Variants in DCAF4 observed in about 807,000 individuals in gnomAD.
DCAF4 encodes the protein DDB1- and CUL4-associated factor 4.
In DCAF4, 37 loss-of-function variants were observed where a neutral mutation model predicts 60.9. The ratio of observed to expected loss-of-function variants is 0.61; its 90% CI spans 0.47 to 0.80. The LOEUF is 0.80. Among genes scored for constraint, DCAF4 ranks in the 30% least tolerant of loss-of-function variants. The pLI is 0.00. For synonymous variants in DCAF4, 243 were observed against 254.8 expected (o/e 0.95, Z 0.44); for missense variants, 577 against 650.0 (o/e 0.89, Z 1.22).
At chr14:72,952,951 C>G (rs561950001) in intron 9 of DCAF4, among the ~76,000 whole-genome samples, 37 of 146,620 alleles carry the variant, frequency 2.5e-4, no homozygotes, top group African/African-American at 8.8e-4. Context: ...CCTCGGCCTC[C>G]CAAAGTGCTG....
chr14:72,933,067 G>C (rs372535405), intron 1 of DCAF4, among the ~76,000 whole-genome samples: 8 of 152,166 alleles, frequency 5.3e-5, no homozygotes, highest in Admixed American at 3.3e-4. Flanking sequence ...AGAATGTGTG[G>C]AAGCTGCCCT....
intron 1 of DCAF4, chr14:72,929,906 C>G: frequency 7.1e-7 from 1 of 1,414,138 alleles, no homozygotes; most frequent in Non-Finnish European, 9.7e-7. Flanking sequence ...TTGAGGCCCA[C>G]GGCCATAAGG....
At position 72,940,362 on chromosome 14, in the gene DCAF4, A is replaced by G. The variant is rs745672293; in HGVS notation, c.336A>G (p.Glu112=). 1.9e-6 allele frequency: 3 copies of G among 1,610,438 alleles called. No individual in the cohort carries two copies. The South Asian group carries it at 3.3e-5, about 18-fold the overall frequency. Residue 112 remains glutamate (E), a synonymous_variant, in exon 4 of 14, where the codon GAA becomes GAG. Transcript: ENST00000358377. The part of the protein sequence containing the change: ...ESKRLRLLQE[E]DRRKKIARMG... ...AGAGACTGCGGCTGCTCCAGGAAGA[A>G]GACAGACGGAAAAAGGTGGGCTCCT...
At chr14:72,944,554 A>G (rs981745092) in intron 6 of DCAF4, among the ~76,000 whole-genome samples, 10 of 152,152 alleles carry the variant, frequency 6.6e-5, no homozygotes, top group African/African-American at 2.4e-4. Context: ...GCATTTTGGG[A>G]GGCCTCAGCA....
chr14:72,956,383 C>A lies in DCAF4; in HGVS notation c.1180-3C>A. On this transcript the variant is annotated splice_polypyrimidine_tract_variant and splice_region_variant and intron_variant, in intron 12 of 13. Coordinates refer to ENST00000358377, the MANE Select transcript of DCAF4 (RefSeq NM_015604.4). The stretch of plus-strand genomic sequence containing the variant: ...CTGATGGCCCCTGGTGCTTTTTCCA[C>A]AGATCAAGCTGTGGGACCTGAGGAC... 1 of 1,596,334 alleles carries A rather than the reference C, an allele frequency of 6.3e-7. No individual in the cohort carries two copies.
At chr14:72,934,977 A>T (rs1175732955) in intron 1 of DCAF4, 1 of 152,222 alleles carries the variant, frequency 6.6e-6, no homozygotes, top group African/African-American at 2.4e-5. Flanking sequence ...TAGGTCATGG[A>T]TGCTAGGAAT....
intron 1 of DCAF4, among the ~76,000 whole-genome samples, chr14:72,928,585 T>TTTTATATG (rs1283241933): frequency 6.3e-5 from 1 of 15,938 alleles, no homozygotes; most frequent in Non-Finnish European, 3.1e-4. Context: ...TAAACATCCT[T>TTTTATATG]TATATATATA....
downstream of DCAF4, chr14:72,961,967 T>A: frequency 8.8e-7 from 1 of 1,129,954 alleles, no homozygotes. Flanking sequence ...ACGTCTGTCT[T>A]TGGAGAGGTC....
At chr14:72,929,529 G>A in intron 1 of DCAF4, 1 of 764,662 alleles carries the variant, frequency 1.3e-6, no homozygotes, top group Non-Finnish European at 2.2e-6. Context: ...GCGAGACCCC[G>A]TCTCTACAAA....
At chr14:72,938,698 T>G (rs1889622095) in intron 2 of DCAF4, among the ~76,000 whole-genome samples, 1 of 152,194 alleles carries the variant, frequency 6.6e-6, no homozygotes, top group South Asian at 2.1e-4. Flanking sequence ...CAGTGGTATT[T>G]GTGTATCTCA....
intron 9 of DCAF4, 146 bp downstream of exon 9, chr14:72,952,023 TG>T (rs1461577572): frequency 2.8e-6 from 2 of 719,270 alleles, no homozygotes; most frequent in African/African-American, 2.5e-5. Context: ...CAGAAGCATG[TG>T]TTTTTTTTAC....
rs976306698 is a variant in DCAF4 at position 72,959,045 on chromosome 14, C to T, written c.*240C>T. ...TCATAAAAGGTACCTCTTTCCTTTT[C>T]TTATTGAATTCTTAGAACTTAGTTA... On this transcript the variant is annotated 3_prime_UTR_variant, in exon 14 of 14. Coordinates refer to ENST00000358377, the MANE Select transcript of DCAF4 (RefSeq NM_015604.4). 1 of 1,210,242 alleles carries T rather than the reference C, an allele frequency of 8.3e-7. No individual in the cohort carries two copies. The highest frequency in any genetic ancestry group is 1.6e-5 in the African/African-American group (1 of 63,718). 75.0% of individuals were successfully genotyped at this position (1,210,242 alleles called of 1,614,324 possible). A position where few individuals can be genotyped will look rare whatever the true frequency, so the allele number is the denominator to read the frequency against.
At chr14:72,942,962 A>G (rs375967391) in intron 5 of DCAF4, 32 bp from the exon 6 acceptor site, 198 of 1,601,828 alleles carry the variant, frequency 1.2e-4, no homozygotes, top group Non-Finnish European at 1.6e-4. Flanking sequence ...TGTCAGCTTC[A>G]GCATCCATGC....
rs1684193937 is a variant in DCAF4, at chr14:72,954,218, G to A, written c.863G>A (p.Cys288Tyr). Residue 288 changes from cysteine (C) to tyrosine (Y), a missense_variant, in exon 10 of 14, where the codon TGT (cysteine) becomes TAT (tyrosine). Cys to Tyr is a radical substitution (Grantham distance 194, BLOSUM62 -2). Transcript: ENST00000358377. ...TTCCGGATCCCTGGTGCCTGGTCCTGTGCCTGGTCCCTGAATATCCAAGCA... is the reference window on the plus strand; with the variant it reads ...TTCCGGATCCCTGGTGCCTGGTCCTATGCCTGGTCCCTGAATATCCAAGCA... ...CSFRIPGAWS[C>Y]AWSLNIQANN... 1 of 1,614,198 alleles carries A rather than the reference G, an allele frequency of 6.2e-7. No homozygotes were observed. The highest frequency in any genetic ancestry group is 1.3e-5 in the African/African-American group (1 of 75,048).
Position 72,937,930 on chromosome 14 carries a change from AC to A in DCAF4, c.-8-40del, listed in dbSNP as rs144355500. 5.7e-3 allele frequency: 8,839 copies of A among 1,538,120 alleles called. 181 individuals are homozygous for A. Among genetic ancestry groups the A allele is most frequent in the South Asian group, 0.043 (3,331 of 78,184 alleles). On this transcript the variant is annotated intron_variant, in intron 1 of 13. Transcript: ENST00000358377. ...GAAGCAAACAGAAAAGCCCATGCCC[AC>A]ACACAGAGATGTATGGATTTTTTTG...
At chr14:72,961,079 G>A (rs1427290544), downstream of DCAF4, among the ~76,000 whole-genome samples, 3 of 151,886 alleles carry the variant, frequency 2.0e-5, no homozygotes, top group African/African-American at 7.3e-5. Flanking sequence ...TAGAGATGGC[G>A]TCTCCCTATG....
At chr14:72,948,894 T>A (rs531081889) in intron 8 of DCAF4, among the ~76,000 whole-genome samples, 1 of 152,346 alleles carries the variant, frequency 6.6e-6, no homozygotes, top group Admixed American at 6.5e-5. Context: ...ACCTGTGGCC[T>A]GTCAAAGGAT....
intron 2 of DCAF4, 92 bp from the exon 3 acceptor site, chr14:72,939,710 C>T: frequency 4.7e-6 from 5 of 1,060,762 alleles, no homozygotes; most frequent in Non-Finnish European, 6.9e-6. Flanking sequence ...GAGGTGAAGG[C>T]TGCAGAACTG....
In DCAF4 at chr14:72,953,732, A is replaced by AAAAAAATATATATAT. The variant is rs1555527852; in HGVS notation, c.809-431_809-430insAAAAATATATATATA. Among the ~76,000 whole-genome samples the AAAAAAATATATATAT allele has an allele frequency of 3.2e-4, 7 of 21,766 alleles. 1 individual carries two copies. Among genetic ancestry groups the AAAAAAATATATATAT allele is most frequent in the Admixed American group, 1.6e-3 (2 of 1,254 alleles). 14.3% of individuals were successfully genotyped at this position (21,766 alleles called of 152,430 possible). Reference sequence around the variant, plus strand: ...CTTAAAAAAAAAAAAAAAAAAAAAAAATATATATATATATATATATATATA... The same window carrying AAAAAAATATATATAT: ...CTTAAAAAAAAAAAAAAAAAAAAAAAAAAAAATATATATATATATATATATATATATATATATATA... On this transcript the variant is annotated intron_variant, in intron 9 of 13. Transcript: ENST00000358377.
Sources: gnomAD v4.1 joint callset for allele counts (sites outside exome capture counted in the v4.1 genomes callset) on GRCh38, gnomAD v4.1.1 for gene constraint, MANE v1.5 for transcripts, NCBI Gene and HGNC (gene_info 2026-07-23, HGNC 2026-07-21) for gene names.